ACACB: variants seen among roughly 807,000 people sequenced by gnomAD.
ACACB encodes the protein acetyl-CoA carboxylase 2.
In ACACB, 209 loss-of-function variants were observed where a neutral mutation model predicts 278.8. That is an observed-to-expected ratio of 0.75 (90% CI 0.67 to 0.84). ACACB has a LOEUF of 0.84. Among genes scored for constraint, ACACB ranks in the 40% least tolerant of loss-of-function variants. The probability of loss-of-function intolerance (pLI) is 0.00; values close to 1 mark genes in which losing one functional copy is unlikely to be tolerated. For synonymous variants in ACACB, 1,174 were observed against 1,285.6 expected, an observed-to-expected ratio of 0.91 and a Z score of 1.86; for missense variants, 2,850 against 3,269.0, an observed-to-expected ratio of 0.87 and a Z score of 3.13.
intron 24 of ACACB, among the ~76,000 whole-genome samples, chr12:109,220,380 T>C (rs923944602): frequency 6.6e-6 from 1 of 152,184 alleles, no homozygotes; most frequent in Admixed American, 6.5e-5. Flanking sequence ...CGAAATGAAT[T>C]TTTTTGAGGC....
Position 109,262,482 on chromosome 12 carries a change from C to G in ACACB, c.6787+13C>G. On this transcript the variant is annotated intron_variant, in intron 49 of 52. Transcript: ENST00000338432. Reference sequence around the variant, plus strand: ...ATGGAACAGCTAGGTAAGGGGGTCCCAAAGGCTTCACCTCTCAGAGGTCAA... The same window carrying G: ...ATGGAACAGCTAGGTAAGGGGGTCCGAAAGGCTTCACCTCTCAGAGGTCAA... The G allele has an allele frequency of 6.3e-7, 1 of 1,591,350 alleles. No individual in the cohort carries two copies. The highest frequency in any genetic ancestry group is 8.6e-7 in the Non-Finnish European group (1 of 1,160,898).
At chr12:109,234,522 A>T (rs1360721955) in intron 31 of ACACB, among the ~76,000 whole-genome samples, 1 of 152,130 alleles carries the variant, frequency 6.6e-6, no homozygotes, top group Non-Finnish European at 1.5e-5. Context: ...ACAGTATACA[A>T]TGTGATATTT....
chr12:109,195,162 T>C (rs1266793274), intron 16 of ACACB, among the ~76,000 whole-genome samples: 1 of 152,158 alleles, frequency 6.6e-6, no homozygotes, highest in East Asian at 1.9e-4. Context: ...GGCTGTGGCA[T>C]CAGTGCCCCG....
chr12:109,217,757 A>ACCACTACACTCCAGC (rs766939213), intron 24 of ACACB, among the ~76,000 whole-genome samples: 10 of 151,922 alleles, frequency 6.6e-5, no homozygotes, highest in Non-Finnish European at 1.3e-4. Context: ...CTGTGATCAC[A>ACCACTACACTCCAGC]CCACTACACT....
intron 17 of ACACB, 63 bp downstream of exon 17, chr12:109,197,216 A>G: frequency 1.3e-6 from 2 of 1,555,986 alleles, no homozygotes; most frequent in Non-Finnish European, 1.7e-6. Flanking sequence ...CTAGGCATGG[A>G]AAACACAGCA....
At chr12:109,233,712 A>G (rs2046545673) in intron 29 of ACACB, 36 bp from the exon 30 acceptor site, 1 of 1,574,260 alleles carries the variant, frequency 6.4e-7, no homozygotes, top group Non-Finnish European at 8.7e-7. Context: ...ATGGGTCAGC[A>G]GCCCCTCAGC....
At chr12:109,149,498 C>T (rs1030714724) in intron 2 of ACACB, among the ~76,000 whole-genome samples, 3 of 152,096 alleles carry the variant, frequency 2.0e-5, no homozygotes, top group East Asian at 1.9e-4. Context: ...GCGGGAGGAT[C>T]GTTTGAGCCC....
intron 8 of ACACB, 21 bp from the exon 9 acceptor site, chr12:109,176,132 C>T (rs1348474880): frequency 2.5e-6 from 4 of 1,613,604 alleles, no homozygotes; most frequent in Non-Finnish European, 3.4e-6. Flanking sequence ...CTAAAGAGGT[C>T]TGTTTGTCCT....
At chr12:109,170,842 T>C in intron 4 of ACACB, among the ~76,000 whole-genome samples, 1 of 151,940 alleles carries the variant, frequency 6.6e-6, no homozygotes, top group African/African-American at 2.4e-5. Context: ...TTTTGTTTGT[T>C]TGTTTGTTTT....
At chr12:109,251,296 A>G (rs113963429) in intron 41 of ACACB, among the ~76,000 whole-genome samples, 7 of 152,106 alleles carry the variant, frequency 4.6e-5, no homozygotes, top group Non-Finnish European at 8.8e-5. Context: ...CCTAACTATC[A>G]CCTGATGGTT....
At position 109,266,402 on chromosome 12, in the gene ACACB, G is replaced by C. The variant is rs1368822470; in HGVS notation, c.*40G>C. ...GCCACTCCCGGGACCACGGCAAAAG[G>C]AACCACCCAGACCCACCACCCGTAC... On this transcript the variant is annotated 3_prime_UTR_variant, in exon 53 of 53. Coordinates refer to ENST00000338432, the MANE Select transcript of ACACB (RefSeq NM_001093.4). 2 of 1,569,046 alleles carry C rather than the reference G, an allele frequency of 1.3e-6. No individual in the cohort carries two copies. The highest frequency in any genetic ancestry group is 8.6e-7 in the Non-Finnish European group (1 of 1,162,130).
At chr12:109,162,662 C>T (rs2043766105) in intron 2 of ACACB, among the ~76,000 whole-genome samples, 2 of 152,182 alleles carry the variant, frequency 1.3e-5, no homozygotes, top group Non-Finnish European at 2.9e-5. Flanking sequence ...GTGCTGAATT[C>T]TTAGAACTTC....
chr12:109,210,003 A>G lies in ACACB; in HGVS notation c.3249+650A>G, dbSNP rs1173106989. 1.9e-5 allele frequency among the ~76,000 whole-genome samples: 2 copies of G among 104,244 alleles called. 1 individual carries two copies. The highest frequency in any genetic ancestry group is 3.9e-5 in the Non-Finnish European group (2 of 51,494). The allele number at this position is 104,244 out of a possible 152,430, so 68.4% of individuals were successfully genotyped here. A position where few individuals can be genotyped will look rare whatever the true frequency, so the allele number is the denominator to read the frequency against. ...CACACGTGTGTGTATATATGTGTAT[A>G]TGTGTATATATACACACGTGTGTAT... On this transcript the variant is annotated intron_variant, in intron 21 of 52. Coordinates refer to ENST00000338432, the MANE Select transcript of ACACB (RefSeq NM_001093.4).
At position 109,121,133 on chromosome 12, in the gene ACACB, T is replaced by G. The variant is rs2042539266; in HGVS notation, c.-10+4429T>G. ...TTTTGTATTTTTAGTAGAAACAGGG[T>G]TTCACCATGTTGGCCAGGCTGGTCT... On this transcript the variant is annotated intron_variant, in intron 1 of 52. Transcript: ENST00000338432. 5.3e-5 allele frequency among the ~76,000 whole-genome samples: 8 copies of G among 152,004 alleles called. 1 individual carries two copies. In the South Asian group the frequency reaches 1.7e-3, roughly 32 times the overall value.
At chr12:109,146,456 G>A (rs555611591) in intron 2 of ACACB, among the ~76,000 whole-genome samples, 37 of 152,312 alleles carry the variant, frequency 2.4e-4, no homozygotes, top group Admixed American at 1.5e-3. Context: ...CAGTCTTCAA[G>A]GGGCTGTCTC....
upstream of ACACB, among the ~76,000 whole-genome samples, chr12:109,114,408 A>T (rs975235806): frequency 6.6e-6 from 1 of 152,172 alleles, no homozygotes; most frequent in South Asian, 2.1e-4. Context: ...AAGCTAAAAC[A>T]TGCAAAGCCA....
chr12:109,212,576 C>T (rs936691312), intron 21 of ACACB, among the ~76,000 whole-genome samples: 2 of 152,016 alleles, frequency 1.3e-5, no homozygotes, highest in African/African-American at 4.8e-5. Context: ...GCAGGGTTTG[C>T]GCTCCTGTGA....
chr12:109,258,074 A>G (rs2047276094), intron 45 of ACACB, among the ~76,000 whole-genome samples, 194 bp from the exon 46 acceptor site: 1 of 152,220 alleles, frequency 6.6e-6, no homozygotes, highest in Admixed American at 6.5e-5. Context: ...TTCTTGCCTC[A>G]AAAAGGGCAC....
At position 109,143,462 on chromosome 12, in the gene ACACB, CAAAAAAAA is replaced by C. The variant is rs10696128; in HGVS notation, c.653+3419_653+3426del. 8.5e-4 allele frequency among the ~76,000 whole-genome samples: 88 copies of C among 104,034 alleles called. 1 individual carries two copies. Among genetic ancestry groups the C allele is most frequent in the Middle Eastern group, 5.4e-3 (1 of 186 alleles). The allele number at this position is 104,034 out of a possible 152,430, so 68.3% of individuals were successfully genotyped here. On this transcript the variant is annotated intron_variant, in intron 2 of 52. Coordinates refer to ENST00000338432, the MANE Select transcript of ACACB (RefSeq NM_001093.4). ...TGGGTGACACAGGCAGACCCTGTCT[CAAAAAAAA>C]AAAAAAAAAAAAAATGAATGAGGAG...
Sources: gnomAD v4.1 joint callset for allele counts (sites outside exome capture counted in the v4.1 genomes callset) on GRCh38, gnomAD v4.1.1 for gene constraint, MANE v1.5 for transcripts, NCBI Gene and HGNC (gene_info 2026-07-23, HGNC 2026-07-21) for gene names.